DEPDC5: variants seen among roughly 807,000 people sequenced by gnomAD.
DEPDC5 encodes the protein GATOR1 complex protein DEPDC5.
In DEPDC5, 73 loss-of-function variants were observed where a neutral mutation model predicts 217.3. The observed-to-expected ratio is 0.34, with a 90% CI of 0.28 to 0.41. The LOEUF is 0.41. Ranked by LOEUF, DEPDC5 falls within the 10% of genes least tolerant of loss-of-function variation. The pLI is 1.00. For synonymous variants in DEPDC5, 733 were observed against 756.7 expected, an observed-to-expected ratio of 0.97 and a Z score of 0.51; for missense variants, 1,675 against 2,070.1, an observed-to-expected ratio of 0.81 and a Z score of 3.70.
intron 12 of DEPDC5, among the ~76,000 whole-genome samples, chr22:31,794,885 C>CA (rs200278726): frequency 0.025 from 3,796 of 151,048 alleles, 59 homozygotes; most frequent in African/African-American, 0.042. Flanking sequence ...GACCCTGTCT[C>CA]AAAAAAAACA....
Position 31,822,741 on chromosome 22 carries a change from C to A in DEPDC5, c.2055C>A (p.Phe685Leu), listed in dbSNP as rs61731667. ...QPGDGMSFLNFSGTEELSVGL... is the reference protein window; with the variant it reads ...QPGDGMSFLNLSGTEELSVGL... Reference sequence around the variant, plus strand: ...GTGACGGCATGTCCTTCTTGAACTTCAGTGGAACAGAGGAGCTTTCTGTCG... The same window carrying A: ...GTGACGGCATGTCCTTCTTGAACTTAAGTGGAACAGAGGAGCTTTCTGTCG... Residue 685 changes from phenylalanine (F) to leucine (L), a missense_variant, in exon 24 of 43, where the codon TTC becomes TTA. Phe to Leu is a conservative substitution (Grantham distance 22). Transcript: ENST00000651528. The A allele has an allele frequency of 0.018, 28,832 of 1,614,068 alleles. 288 individuals are homozygous for A. The highest frequency in any genetic ancestry group is 0.022 in the South Asian group (2,028 of 91,054).
chr22:31,770,929 C>T (rs969610010), intron 7 of DEPDC5, among the ~76,000 whole-genome samples: 1 of 151,492 alleles, frequency 6.6e-6, no homozygotes, highest in Non-Finnish European at 1.5e-5. Flanking sequence ...ACTACAGGCA[C>T]GTGCCACCAT....
chr22:31,790,646 T>G (rs1464760511), intron 10 of DEPDC5, among the ~76,000 whole-genome samples: 1 of 152,142 alleles, frequency 6.6e-6, no homozygotes, highest in African/African-American at 2.4e-5. Context: ...AGGCCTGGCA[T>G]TGTGGCTCAC....
At chr22:31,861,161 G>T (rs1050248385) in intron 32 of DEPDC5, among the ~76,000 whole-genome samples, 5 of 145,982 alleles carry the variant, frequency 3.4e-5, no homozygotes, top group Admixed American at 6.8e-5. Context: ...TCTGGGTGGC[G>T]CTCTCTCTCT....
intron 35 of DEPDC5, among the ~76,000 whole-genome samples, chr22:31,873,626 T>G (rs1249787431): frequency 6.6e-6 from 1 of 151,594 alleles, no homozygotes; most frequent in African/African-American, 2.4e-5. Context: ...TTAAAAGGGA[T>G]TTTTTAAAAA....
intron 14 of DEPDC5, among the ~76,000 whole-genome samples, chr22:31,798,868 C>T (rs1292176930): frequency 6.6e-6 from 1 of 152,048 alleles, no homozygotes; most frequent in East Asian, 1.9e-4. Context: ...AGGGCATTCC[C>T]GAAAGCAAGA....
chr22:31,845,751 GTGTGTGTGTGTGTGTA>G (rs981733645), intron 30 of DEPDC5, among the ~76,000 whole-genome samples: 23 of 149,198 alleles, frequency 1.5e-4, no homozygotes, highest in African/African-American at 5.8e-4. Context: ...TAATTGACGT[GTGTGTGTGTGTGTGTA>G]TGTGTGTGTG....
At chr22:31,839,534 T>C (rs2091265169) in intron 27 of DEPDC5, among the ~76,000 whole-genome samples, 1 of 151,740 alleles carries the variant, frequency 6.6e-6, no homozygotes. Flanking sequence ...CCTCCCCTGA[T>C]CACCTAGTGA....
At chr22:31,759,653 T>G (rs919600222) in intron 3 of DEPDC5, among the ~76,000 whole-genome samples, 1 of 146,640 alleles carries the variant, frequency 6.8e-6, no homozygotes, top group Non-Finnish European at 1.5e-5. Context: ...ATTACAGGCA[T>G]GAGCTACCTT....
chr22:31,905,915 C>A, intron 41 of DEPDC5, 69 bp from the exon 42 acceptor site: 1 of 1,389,646 alleles, frequency 7.2e-7, no homozygotes, highest in Non-Finnish European at 1.0e-6. Context: ...GTCCTATCAG[C>A]TACATTCTCT....
intron 6 of DEPDC5, among the ~76,000 whole-genome samples, chr22:31,767,681 C>CT (rs2082939416): frequency 2.0e-5 from 3 of 152,224 alleles, no homozygotes; most frequent in East Asian, 3.9e-4. Flanking sequence ...ATCTGCCCAC[C>CT]TTGGCCTCCC....
intron 25 of DEPDC5, among the ~76,000 whole-genome samples, chr22:31,836,609 C>T (rs962455027): frequency 9.2e-5 from 14 of 152,202 alleles, no homozygotes; most frequent in African/African-American, 3.1e-4. Flanking sequence ...TTGGGAGAGG[C>T]TCGTGCTTGG....
chr22:31,857,755 C>A (rs933404149), intron 32 of DEPDC5: 9 of 464,142 alleles, frequency 1.9e-5, no homozygotes, highest in Non-Finnish European at 3.4e-5. Flanking sequence ...AAGCTAACTT[C>A]TAGTTAAATC....
chr22:31,808,477 C>T (rs1001808667), intron 18 of DEPDC5, among the ~76,000 whole-genome samples: 1 of 150,314 alleles, frequency 6.7e-6, no homozygotes, highest in African/African-American at 2.4e-5. Context: ...CTCTGTCTCC[C>T]AGGCTGGAGT....
chr22:31,812,876 G>T (rs1052370490), intron 20 of DEPDC5, among the ~76,000 whole-genome samples: 1 of 151,664 alleles, frequency 6.6e-6, no homozygotes, highest in African/African-American at 2.4e-5. Context: ...GAGTAGCTGG[G>T]ATTACAAACA....
chr22:31,874,280 G>A lies in DEPDC5; in HGVS notation c.3571G>A (p.Val1191Ile), dbSNP rs777200870. The change falls in exon 36 of 43, where the codon GTC (valine) becomes ATC (isoleucine). Residue 1191 changes from valine to isoleucine, a missense_variant. Val to Ile is a conservative substitution (Grantham distance 29). This residue lies in a region of DEPDC5 where 194 missense variants were observed against 199.3 expected (regional missense o/e 0.97). Transcript: ENST00000651528. ...CACCGTGTTGGAACCCAGGACAGGA[G>A]TCCAGCTGCTCTCTGAACAGAAGGG... ...LEAMKHPSTG[V>I]QLLSEQKGLS... 1.5e-5 allele frequency: 24 copies of A among 1,606,906 alleles called. No individual in the cohort carries two copies. In the South Asian group the frequency reaches 2.5e-4, roughly 16 times the overall value.
At chr22:31,792,866 C>T in intron 12 of DEPDC5, 49 bp downstream of exon 12, 2 of 1,399,006 alleles carry the variant, frequency 1.4e-6, no homozygotes. Context: ...TTAGTTGTTT[C>T]TTTCCTAACT....
At chr22:31,797,536 A>AG in intron 12 of DEPDC5, 64 bp from the exon 13 acceptor site, 1 of 1,330,728 alleles carries the variant, frequency 7.5e-7, no homozygotes, top group South Asian at 1.2e-5. Flanking sequence ...GAAATTTGGG[A>AG]GGGGACACAG....
At position 31,846,971 on chromosome 22, in the gene DEPDC5, A is replaced by C; in HGVS notation, c.3155+4A>C. The stretch of plus-strand genomic sequence containing the variant: ...TGGAGATGGAGGCCAGTCAGAAGTA[A>C]GTGCTTGGTGGAAGACTGACTTGTC... On this transcript the variant is annotated splice_donor_region_variant and intron_variant, in intron 31 of 42. Transcript: ENST00000651528. 1.2e-6 allele frequency: 2 copies of C among 1,614,248 alleles called. No individual in the cohort carries two copies. Among genetic ancestry groups the C allele is most frequent in the East Asian group, 2.2e-5 (1 of 44,886 alleles).
Sources: allele counts gnomAD v4.1 joint callset (sites outside exome capture counted in the v4.1 genomes callset), GRCh38; gene constraint gnomAD v4.1.1; regional missense constraint gnomAD v4.1.1; transcripts MANE v1.5; gene names NCBI Gene and HGNC (gene_info 2026-07-23, HGNC 2026-07-21).